Variants in GRID2 observed in about 807,000 individuals in gnomAD.
GRID2 encodes the protein glutamate ionotropic receptor delta type subunit 2.
GRID2 carries 33 observed loss-of-function variants against 114.8 expected under a neutral mutation model. That is an observed-to-expected ratio of 0.29 (90% CI 0.22 to 0.38). The LOEUF (loss-of-function observed/expected upper bound fraction) is 0.38, where lower values mean the gene tolerates loss of function less well. GRID2 is among the 10% of genes least tolerant of loss of function. The probability of loss-of-function intolerance (pLI) is 1.00; values close to 1 mark genes in which losing one functional copy is unlikely to be tolerated. For synonymous variants in GRID2, 505 were observed against 449.9 expected (o/e 1.12, Z -1.55); for missense variants, 1,184 against 1,257.7 (o/e 0.94, Z 0.89).
intron 12 of GRID2, 130 bp downstream of exon 12, chr4:93,490,907 G>A (rs141527446): frequency 2.1e-5 from 13 of 607,798 alleles, no homozygotes; most frequent in African/African-American, 2.1e-4. Flanking sequence ...GATCAATTTT[G>A]TGTTACTGCA....
intron 2 of GRID2, among the ~76,000 whole-genome samples, chr4:92,706,073 A>G (rs1313266449): frequency 6.6e-6 from 1 of 152,168 alleles, no homozygotes; most frequent in African/African-American, 2.4e-5. Flanking sequence ...TAAAAACATC[A>G]AGGTCTTGAT....
chr4:93,760,826 A>C (rs570339685), intron 14 of GRID2, among the ~76,000 whole-genome samples: 1 of 152,032 alleles, frequency 6.6e-6, no homozygotes, highest in Non-Finnish European at 1.5e-5. Flanking sequence ...ACTTCCCTGG[A>C]ATTTCTTTTT....
chr4:93,276,682 A>G (rs1443435960), intron 8 of GRID2, among the ~76,000 whole-genome samples: 3 of 151,844 alleles, frequency 2.0e-5, no homozygotes, highest in Non-Finnish European at 4.4e-5. Context: ...TACTATTGTG[A>G]GTGACATTGT....
At chr4:92,943,869 C>G (rs1451569729) in intron 2 of GRID2, among the ~76,000 whole-genome samples, 1 of 152,216 alleles carries the variant, frequency 6.6e-6, no homozygotes, top group Non-Finnish European at 1.5e-5. Context: ...GCCTGAGTAT[C>G]AGCAGCGGAG....
chr4:93,042,270 TCTCTTTCTC>T (rs1725602225), intron 2 of GRID2, among the ~76,000 whole-genome samples: 11 of 79,774 alleles, frequency 1.4e-4, no homozygotes, highest in South Asian at 1.0e-3. Context: ...TCTCTCTCTC[TCTCTTTCTC>T]TCTCTCTCTC....
chr4:93,255,173 G>A (rs1299198239), intron 8 of GRID2, among the ~76,000 whole-genome samples: 1 of 151,572 alleles, frequency 6.6e-6, no homozygotes, highest in Non-Finnish European at 1.5e-5. Flanking sequence ...GTTTTTCCAA[G>A]TAGGCATTAT....
At chr4:93,698,382 C>T (rs1727228723) in intron 14 of GRID2, among the ~76,000 whole-genome samples, 2 of 152,066 alleles carry the variant, frequency 1.3e-5, no homozygotes, top group East Asian at 1.9e-4. Context: ...CCATATTTAT[C>T]CACAGCATCT....
chr4:93,267,425 C>T (rs1212403537), intron 8 of GRID2, among the ~76,000 whole-genome samples: 1 of 152,136 alleles, frequency 6.6e-6, no homozygotes, highest in African/African-American at 2.4e-5. Context: ...GCAACCACTG[C>T]TGTGTCAAAG....
intron 2 of GRID2, among the ~76,000 whole-genome samples, chr4:92,709,583 A>ATATAT (rs1553919213): frequency 1.5e-4 from 19 of 127,894 alleles, no homozygotes; most frequent in African/African-American, 5.6e-4. Flanking sequence ...AAAAAAAAAA[A>ATATAT]AAAAAAATAT....
At chr4:92,906,017 A>G (rs1747925782) in intron 2 of GRID2, among the ~76,000 whole-genome samples, 1 of 152,150 alleles carries the variant, frequency 6.6e-6, no homozygotes. Flanking sequence ...GAAAATGTGA[A>G]TAAAAATATT....
rs1441914532 is a variant in GRID2, at chr4:93,801,670, A to G, written c.222-5045A>G. 1.3e-5 allele frequency among the ~76,000 whole-genome samples: 2 copies of G among 152,230 alleles called. 1 individual carries two copies. The highest frequency in any genetic ancestry group is 2.9e-5 in the Non-Finnish European group (2 of 68,026). On this transcript the variant is annotated intron_variant, in intron 1 of 1. Coordinates refer to the GRID2 transcript ENST00000637838. The stretch of plus-strand genomic sequence containing the variant: ...TTCTTTCAACTTCATAAAAAAGTAA[A>G]TAGTTAAAGCACTGCACTTTCTCAC...
At chr4:92,485,345 TA>T (rs1722826054) in intron 1 of GRID2, among the ~76,000 whole-genome samples, 4 of 56,536 alleles carry the variant, frequency 7.1e-5, no homozygotes, top group Non-Finnish European at 1.5e-4. Context: ...TATATATATA[TA>T]TAGTGTGTGT....
intron 4 of GRID2, among the ~76,000 whole-genome samples, chr4:93,169,339 A>T (rs1738576949): frequency 6.6e-6 from 1 of 152,218 alleles, no homozygotes; most frequent in Non-Finnish European, 1.5e-5. Flanking sequence ...TCTAAAATAC[A>T]TACAAAAATA....
At chr4:93,328,043 G>T (rs977539421) in intron 8 of GRID2, among the ~76,000 whole-genome samples, 1 of 151,988 alleles carries the variant, frequency 6.6e-6, no homozygotes, top group Non-Finnish European at 1.5e-5. Context: ...GCCGGGCGCA[G>T]TGGCTCACAC....
At chr4:92,352,606 C>T (rs964774489) in intron 1 of GRID2, among the ~76,000 whole-genome samples, 7 of 151,882 alleles carry the variant, frequency 4.6e-5, no homozygotes, top group Non-Finnish European at 1.5e-5. Flanking sequence ...TATACTAATC[C>T]ACTTAGGTGT....
At chr4:92,967,167 T>A (rs1343351463) in intron 2 of GRID2, among the ~76,000 whole-genome samples, 1 of 151,942 alleles carries the variant, frequency 6.6e-6, no homozygotes, top group African/African-American at 2.4e-5. Context: ...CTCTAATAAA[T>A]GTCTAAATTA....
intron 2 of GRID2, among the ~76,000 whole-genome samples, chr4:92,670,261 G>C (rs756730200): frequency 6.6e-6 from 1 of 151,886 alleles, no homozygotes; most frequent in South Asian, 2.1e-4. Context: ...TTTATTAAAC[G>C]TTCCGCATAC....
At chr4:93,792,182 G>C (rs1734707113) in intron 1 of GRID2, among the ~76,000 whole-genome samples, 1 of 152,120 alleles carries the variant, frequency 6.6e-6, no homozygotes, top group African/African-American at 2.4e-5. Flanking sequence ...GCCCCAACCT[G>C]CTGCCCAAAT....
intron 2 of GRID2, among the ~76,000 whole-genome samples, chr4:93,023,130 T>C (rs1412172598): frequency 6.7e-6 from 1 of 150,260 alleles, no homozygotes; most frequent in Non-Finnish European, 1.5e-5. Flanking sequence ...TGTGTGTATG[T>C]ATGTGTGTGT....
Sources: gnomAD v4.1 joint callset for allele counts (sites outside exome capture counted in the v4.1 genomes callset) on GRCh38, gnomAD v4.1.1 for gene constraint, MANE v1.5 for transcripts, NCBI Gene and HGNC (gene_info 2026-07-23, HGNC 2026-07-21) for gene names.